Variants in SNAP91 observed in about 807,000 individuals in gnomAD.
SNAP91 encodes the protein clathrin coat assembly protein AP180.
Under a neutral mutation model 100.3 loss-of-function variants are expected in SNAP91, and 27 were observed. The ratio of observed to expected loss-of-function variants is 0.27; its 90% confidence interval spans 0.20 to 0.37. The LOEUF (loss-of-function observed/expected upper bound fraction) is 0.37. SNAP91 is among the 10% of genes least tolerant of loss of function. SNAP91 has a pLI of 1.00. For missense variants in SNAP91, 986 were observed against 1,123.7 expected (o/e 0.88, Z 1.75); for synonymous variants, 404 against 398.6 (o/e 1.01, Z -0.16).
At chr6:83,560,017 TA>T in intron 28 of SNAP91, 86 bp downstream of exon 28, 3 of 1,148,746 alleles carry the variant, frequency 2.6e-6, no homozygotes, top group Non-Finnish European at 3.9e-6. Context: ...TTACATTAGG[TA>T]AAAACACTTT....
intron 9 of SNAP91, among the ~76,000 whole-genome samples, chr6:83,617,978 A>G (rs2096568655): frequency 6.6e-6 from 1 of 151,910 alleles, no homozygotes; most frequent in Non-Finnish European, 1.5e-5. Flanking sequence ...TTAATGTGAA[A>G]TTAATTTTGA....
rs547866285 is a variant in SNAP91, at chr6:83,650,443, GA to G, written c.658+6310del. Among the ~76,000 whole-genome samples the G allele has an allele frequency of 9.3e-4, 141 of 152,076 alleles. 2 individuals are homozygous for G. The highest frequency in any genetic ancestry group is 2.8e-4 in the Non-Finnish European group (19 of 67,956). ...AGTCAAATTAATTTTTTTTGAGATGGAGTCTCACTCTGTTGCCCAGGCTGGA... is the reference window on the plus strand; with the variant it reads ...AGTCAAATTAATTTTTTTTGAGATGGGTCTCACTCTGTTGCCCAGGCTGGA... On this transcript the variant is annotated intron_variant, in intron 7 of 29. Coordinates refer to ENST00000369694, the MANE Select transcript of SNAP91 (RefSeq NM_001242792.2).
chr6:83,701,637 C>T (rs911325384), intron 2 of SNAP91, among the ~76,000 whole-genome samples: 16 of 151,938 alleles, frequency 1.1e-4, no homozygotes, highest in Admixed American at 7.9e-4. Context: ...TTAGTAGAGA[C>T]GGGGTTCATC....
At chr6:83,583,277 C>A (rs1831018181) in intron 22 of SNAP91, among the ~76,000 whole-genome samples, 3 of 152,140 alleles carry the variant, frequency 2.0e-5, no homozygotes. Context: ...GTATCTATCC[C>A]CACTGCCCCG....
At chr6:83,597,015 C>T (rs569035278) in intron 16 of SNAP91, among the ~76,000 whole-genome samples, 21 of 152,210 alleles carry the variant, frequency 1.4e-4, no homozygotes, top group Admixed American at 2.6e-4. Context: ...AGATAAAGCC[C>T]ATATTGTTAT....
rs1395730603 is a variant in SNAP91, at chr6:83,605,548, C to T, written c.1141+137G>A. The T allele has an allele frequency of 9.8e-6, 11 of 1,126,960 alleles. No homozygotes were observed. The East Asian group carries it at 1.8e-4, about 19-fold the overall frequency. 69.8% of individuals were successfully genotyped at this position (1,126,960 alleles called of 1,614,324 possible). A position where few individuals can be genotyped will look rare whatever the true frequency, so the allele number is the denominator to read the frequency against. On this transcript the variant is annotated intron_variant, in intron 14 of 29. Coordinates refer to ENST00000369694, the MANE Select transcript of SNAP91 (RefSeq NM_001242792.2). ...CAATATATATTTCAATCAATAAATG[C>T]CATTCTTAACATTTTCCCTCCAAGT...
chr6:83,624,699 C>T (rs2096863278), intron 8 of SNAP91, among the ~76,000 whole-genome samples: 1 of 151,950 alleles, frequency 6.6e-6, no homozygotes, highest in African/African-American at 2.4e-5. Context: ...TAGACACCCT[C>T]TCCAGTGTGA....
At chr6:83,632,949 T>G (rs2097270548) in intron 8 of SNAP91, among the ~76,000 whole-genome samples, 1 of 152,208 alleles carries the variant, frequency 6.6e-6, no homozygotes. Flanking sequence ...TTGGAGGATT[T>G]AAAGAACCTT....
chr6:83,567,699 T>C (rs1266589497), intron 26 of SNAP91, among the ~76,000 whole-genome samples: 2 of 151,936 alleles, frequency 1.3e-5, no homozygotes, highest in Non-Finnish European at 2.9e-5. Context: ...AGGATATGAA[T>C]AGACACTTCT....
intron 6 of SNAP91, 116 bp from the exon 7 acceptor site, chr6:83,656,981 T>A (rs541556658): frequency 6.8e-6 from 4 of 591,188 alleles, no homozygotes; most frequent in Non-Finnish European, 1.2e-5. Context: ...TCTACAAACA[T>A]TGGTAATTCA....
At chr6:83,579,499 A>G (rs990831825) in intron 24 of SNAP91, among the ~76,000 whole-genome samples, 2 of 152,212 alleles carry the variant, frequency 1.3e-5, no homozygotes, top group African/African-American at 4.8e-5. Context: ...TCACAGGTAA[A>G]GAAGTCTGTA....
intron 2 of SNAP91, among the ~76,000 whole-genome samples, chr6:83,681,496 C>G (rs2098988860): frequency 6.6e-6 from 1 of 151,726 alleles, no homozygotes; most frequent in Admixed American, 6.6e-5. Context: ...AGATAAAGAC[C>G]AATGGTACAT....
intron 7 of SNAP91, among the ~76,000 whole-genome samples, chr6:83,652,503 CCTA>C (rs959790511): frequency 1.8e-4 from 28 of 152,196 alleles, no homozygotes; most frequent in Admixed American, 3.3e-4. Context: ...TGAATTCCTC[CCTA>C]CTATCCCTTG....
intron 22 of SNAP91, among the ~76,000 whole-genome samples, chr6:83,590,901 A>T (rs1349728056): frequency 6.6e-6 from 1 of 152,216 alleles, no homozygotes; most frequent in Admixed American, 6.5e-5. Flanking sequence ...CTGAATTTTC[A>T]ATTTCATGTC....
chr6:83,575,002 C>T lies in SNAP91; in HGVS notation c.2442+8G>A, dbSNP rs777295135. 20 of 1,569,632 alleles carry T rather than the reference C, an allele frequency of 1.3e-5. No homozygotes were observed. Among genetic ancestry groups the T allele is most frequent in the Non-Finnish European group, 1.6e-5 (18 of 1,151,244 alleles). ...CCTGCGCTGCCCTGGGCTCTGATTGCTACATACCAAAGGTGCACTTGGTGG... is the reference window on the plus strand; with the variant it reads ...CCTGCGCTGCCCTGGGCTCTGATTGTTACATACCAAAGGTGCACTTGGTGG... On this transcript the variant is annotated splice_region_variant and intron_variant, in intron 26 of 29. Transcript: ENST00000369694.
chr6:83,612,495 A>G (rs569333103), intron 11 of SNAP91, among the ~76,000 whole-genome samples: 51 of 152,314 alleles, frequency 3.3e-4, no homozygotes, highest in African/African-American at 1.2e-3. Context: ...CTAAGAATGA[A>G]TTAATTTAAA....
chr6:83,662,159 A>C (rs553597626), intron 4 of SNAP91, among the ~76,000 whole-genome samples, 188 bp downstream of exon 4: 229 of 152,214 alleles, frequency 1.5e-3, no homozygotes, highest in Non-Finnish European at 2.7e-3. Context: ...AACGCCCAAA[A>C]TAAACTTAAT....
intron 22 of SNAP91, among the ~76,000 whole-genome samples, chr6:83,588,050 A>G (rs2093066129): frequency 1.2e-5 from 1 of 81,212 alleles, no homozygotes; most frequent in African/African-American, 5.1e-5. Context: ...GCTGGCTCAA[A>G]CTCCTGACTT....
chr6:83,645,051 G>A (rs1306421556), intron 7 of SNAP91, among the ~76,000 whole-genome samples: 1 of 152,064 alleles, frequency 6.6e-6, no homozygotes, highest in African/African-American at 2.4e-5. Context: ...TATTAGGAAC[G>A]CAAATTCTCA....
Sources: gnomAD v4.1 joint callset for allele counts (sites outside exome capture counted in the v4.1 genomes callset) on GRCh38, gnomAD v4.1.1 for gene constraint, MANE v1.5 for transcripts, NCBI Gene and HGNC (gene_info 2026-07-23, HGNC 2026-07-21) for gene names.